The following AGAP2 variants were observed in gnomAD, a reference collection of about 807,000 sequenced individuals.
AGAP2 encodes the protein ArfGAP with GTPase domain, ankyrin repeat and PH domain 2.
Under a neutral mutation model 110.9 loss-of-function variants are expected in AGAP2, and 32 were observed. The observed-to-expected ratio is 0.29, with a 90% confidence interval of 0.22 to 0.39. The LOEUF (loss-of-function observed/expected upper bound fraction) is 0.39, where lower values mean the gene tolerates loss of function less well. Ranked by LOEUF, AGAP2 falls within the 10% of genes least tolerant of loss-of-function variation. The pLI is 1.00. For missense variants in AGAP2, 1,285 were observed against 1,638.5 expected, an observed-to-expected ratio of 0.78 and a Z score of 3.72; for synonymous variants, 702 against 713.0, an observed-to-expected ratio of 0.98 and a Z score of 0.25.
upstream of AGAP2, among the ~76,000 whole-genome samples, chr12:57,740,225 G>T (rs1041547774): frequency 2.2e-3 from 338 of 152,152 alleles, 1 homozygote; most frequent in African/African-American, 6.8e-3. Flanking sequence ...AGGGTGGGGG[G>T]GCTGAGCCAG....
At chr12:57,734,789 A>G (rs1954949847) in intron 2 of AGAP2, 110 bp from the exon 3 acceptor site, 1 of 939,178 alleles carries the variant, frequency 1.1e-6, no homozygotes, top group Non-Finnish European at 1.7e-6. Flanking sequence ...GCAGGACCCT[A>G]CAGGGCCTGG....
chr12:57,736,614 G>C (rs1423760937), intron 1 of AGAP2, among the ~76,000 whole-genome samples: 1 of 152,220 alleles, frequency 6.6e-6, no homozygotes, highest in Non-Finnish European at 1.5e-5. Context: ...CCCAGGGGAC[G>C]ACTAGTCCCT....
chr12:57,738,300 C>A lies in AGAP2; in HGVS notation c.-54G>T. 1 of 1,407,598 alleles carries A rather than the reference C, an allele frequency of 7.1e-7. No homozygotes were observed. The highest frequency in any genetic ancestry group is 9.2e-7 in the Non-Finnish European group (1 of 1,086,592). 87.2% of individuals were successfully genotyped at this position (1,407,598 alleles called of 1,614,324 possible). ...GGGAGGGGACTCCCCCGGACTGCCT[C>A]AGGGGGGCCCGGCCATGGGGCCGCC... On this transcript the variant is annotated 5_prime_UTR_variant, in exon 1 of 19. The change abolishes the stop of an existing upstream ORF in the 5' untranslated region. Transcript: ENST00000547588. The surrounding 1 kb of genome is among the most constrained non-coding windows in gnomAD (Gnocchi z 6.7).
chr12:57,729,653 G>A lies in AGAP2; in HGVS notation c.2543C>T (p.Ala848Val). The A allele has an allele frequency of 6.2e-7, 1 of 1,613,036 alleles. No individual in the cohort carries two copies. Among genetic ancestry groups the A allele is most frequent in the Non-Finnish European group, 8.5e-7 (1 of 1,179,716 alleles). ...LTTPSKTEGS[A>V]GQAEAKRKMW... is the part of the protein sequence containing the mutation. ...CAGAGCCTCACCTTCAGCCTGCCCAGCCGAGCCTTCAGTCTTGGATGGTGT... is the reference window on the plus strand; with the variant it reads ...CAGAGCCTCACCTTCAGCCTGCCCAACCGAGCCTTCAGTCTTGGATGGTGT... Residue 848 changes from alanine to valine, a missense_variant, in exon 13 of 19, where the codon GCT (alanine) becomes GTT (valine). This residue lies in a region of AGAP2 where 135 missense variants were observed against 182.0 expected (regional missense o/e 0.74). Coordinates refer to ENST00000547588, the MANE Select transcript of AGAP2 (RefSeq NM_001122772.3).
rs1329354383 is a variant in AGAP2 at position 57,738,193 on chromosome 12, C to A, written c.54G>T (p.Ser18=). 6.6e-7 allele frequency: 1 copy of A among 1,525,300 alleles called. No homozygotes were observed. 94.5% of individuals were successfully genotyped at this position (1,525,300 alleles called of 1,614,324 possible). A position where few individuals can be genotyped will look rare whatever the true frequency, so the allele number is the denominator to read the frequency against. ...LQRRTTTYLI[S]LTLVKLESVP... ...CCGACTCGAGCTTAACCAGGGTCAG[C>A]GAGATGAGGTAGGTCGTTGTCCGGC... The change falls in exon 1 of 19, where the codon TCG becomes TCT. Residue 18 remains serine (S), a synonymous_variant. Transcript: ENST00000547588. The surrounding 1 kb of genome is among the most constrained non-coding windows in gnomAD (Gnocchi z 6.7).
chr12:57,737,831 G>C lies in AGAP2; in HGVS notation c.416C>G (p.Ser139Cys), dbSNP rs1310290493. The C allele has an allele frequency of 6.7e-7, 1 of 1,484,750 alleles. No individual in the cohort carries two copies. The highest frequency in any genetic ancestry group is 8.9e-7 in the Non-Finnish European group (1 of 1,129,174). The allele number at this position is 1,484,750 out of a possible 1,614,324, so 92.0% of individuals were successfully genotyped here. A position where few individuals can be genotyped will look rare whatever the true frequency, so the allele number is the denominator to read the frequency against. The change falls in exon 1 of 19, where the codon TCC becomes TGC. Residue 139 changes from serine (S) to cysteine (C), a missense_variant. Coordinates refer to ENST00000547588, the MANE Select transcript of AGAP2 (RefSeq NM_001122772.3). This position sits in a 1 kb window ranked among gnomAD's most constrained non-coding sequence, Gnocchi z 5.9. ...GCTGCTGAGCAGGGGGCGCCGGGAG[G>C]AGGTGGGGGCGCCCCCAGGCTTGGG... ...PDPKPGGAPT[S>C]SRRPLLSSPS...
rs1165246166 is a variant in AGAP2 at position 57,725,456 on chromosome 12, G to A, written c.*1096C>T. 1 of 152,114 alleles carries A rather than the reference G, an allele frequency of 6.6e-6. No homozygotes were observed. The highest frequency in any genetic ancestry group is 1.5e-5 in the Non-Finnish European group (1 of 68,108). 9.4% of individuals were successfully genotyped at this position (152,114 alleles called of 1,614,324 possible). A position where few individuals can be genotyped will look rare whatever the true frequency, so the allele number is the denominator to read the frequency against. On this transcript the variant is annotated 3_prime_UTR_variant, in exon 19 of 19. Coordinates refer to ENST00000547588, the MANE Select transcript of AGAP2 (RefSeq NM_001122772.3). ...GCCCTATCACCCAGTTTGTGGGGAAGGGGCAGGGGGCCTGGAAACCCTCCC... is the reference window on the plus strand; with the variant it reads ...GCCCTATCACCCAGTTTGTGGGGAAAGGGCAGGGGGCCTGGAAACCCTCCC...
intron 10 of AGAP2, 66 bp downstream of exon 10, chr12:57,731,300 G>A: frequency 7.6e-7 from 1 of 1,320,428 alleles, no homozygotes. Flanking sequence ...TTTGTCAGAG[G>A]CATAGACAGG....
intron 2 of AGAP2, among the ~76,000 whole-genome samples, chr12:57,734,881 G>C (rs1347548695): frequency 1.3e-5 from 2 of 152,082 alleles, no homozygotes; most frequent in East Asian, 3.9e-4. Context: ...CAGGGCATGA[G>C]TGTGGTAAGA....
At position 57,726,761 on chromosome 12, in the gene AGAP2, C is replaced by T. The variant is rs1015516060; in HGVS notation, c.3370G>A (p.Gly1124Ser). 2.5e-5 allele frequency: 34 copies of T among 1,355,014 alleles called. No individual in the cohort carries two copies. The highest frequency in any genetic ancestry group is 3.2e-5 in the Non-Finnish European group (34 of 1,058,208). The allele number at this position is 1,355,014 out of a possible 1,614,324, so 83.9% of individuals were successfully genotyped here. A position where few individuals can be genotyped will look rare whatever the true frequency, so the allele number is the denominator to read the frequency against. ...CGGGCGTAGAACAGCGCCGTGCGGC[C>T]CTGGGCGTCACGGGCCGCCACGTCC... ...GADVAARDAQ[G>S]RTALFYARQA... is the part of the protein sequence containing the mutation. Residue 1124 changes from glycine to serine, a missense_variant, in exon 19 of 19, where the codon GGC becomes AGC. This residue lies in a region of AGAP2 where 201 missense variants were observed against 276.1 expected (regional missense o/e 0.73). Coordinates refer to ENST00000547588, the MANE Select transcript of AGAP2 (RefSeq NM_001122772.3). The surrounding 1 kb of genome is among the most constrained non-coding windows in gnomAD (Gnocchi z 5.7).
chr12:57,726,477 C>T lies in AGAP2; in HGVS notation c.*75G>A, dbSNP rs558343291. ...TGCGGATCGGAGAGGTGAGTGGGTGCGTCTGTCCAGCGGTCCGCCCGGTGT... is the reference window on the plus strand; with the variant it reads ...TGCGGATCGGAGAGGTGAGTGGGTGTGTCTGTCCAGCGGTCCGCCCGGTGT... On this transcript the variant is annotated 3_prime_UTR_variant, in exon 19 of 19. Coordinates refer to ENST00000547588, the MANE Select transcript of AGAP2 (RefSeq NM_001122772.3). This position sits in a 1 kb window ranked among gnomAD's most constrained non-coding sequence, Gnocchi z 5.7. 34 of 1,138,640 alleles carry T rather than the reference C, an allele frequency of 3.0e-5. No individual in the cohort carries two copies. The South Asian group carries it at 1.3e-3, about 44-fold the overall frequency. 70.5% of individuals were successfully genotyped at this position (1,138,640 alleles called of 1,614,324 possible).
intron 5 of AGAP2, among the ~76,000 whole-genome samples, chr12:57,733,277 C>A (rs1241285383): frequency 2.6e-5 from 4 of 151,770 alleles, no homozygotes; most frequent in East Asian, 3.9e-4. Flanking sequence ...TAGCTGAGAC[C>A]CAGGCGCGAG....
intron 1 of AGAP2, among the ~76,000 whole-genome samples, chr12:57,736,062 G>A (rs1954975419): frequency 6.6e-6 from 1 of 152,194 alleles, no homozygotes; most frequent in South Asian, 2.1e-4. Context: ...GCCGAGAGAA[G>A]CCACAGGCCC....
chr12:57,738,921 G>T (rs1379089743), upstream of AGAP2, among the ~76,000 whole-genome samples: 1 of 151,998 alleles, frequency 6.6e-6, no homozygotes, highest in Non-Finnish European at 1.5e-5. The surrounding 1 kb of genome is among the most constrained non-coding windows in gnomAD (Gnocchi z 6.7). Context: ...CCTGGGCTCG[G>T]CTTGGTCCGG....
At chr12:57,731,750 G>A (rs1954889731) in intron 8 of AGAP2, 59 bp downstream of exon 8, 1 of 1,570,292 alleles carries the variant, frequency 6.4e-7, no homozygotes, top group South Asian at 1.2e-5. Context: ...AGGGACTAGG[G>A]AAGATGGGCA....
At chr12:57,739,517 G>A (rs1955051233), upstream of AGAP2, among the ~76,000 whole-genome samples, 1 of 152,162 alleles carries the variant, frequency 6.6e-6, no homozygotes, top group Non-Finnish European at 1.5e-5. Flanking sequence ...GAGTGCTGGA[G>A]GAGCCCAGGC....
intron 2 of AGAP2, 30 bp downstream of exon 2, chr12:57,735,338 TC>T (rs757468636): frequency 6.2e-7 from 1 of 1,610,272 alleles, no homozygotes; most frequent in Non-Finnish European, 8.5e-7. Flanking sequence ...AGGTCAGCCT[TC>T]CCTATAGGCA....
Position 57,737,479 on chromosome 12 carries a change from G to T in AGAP2, c.768C>A (p.Val256=), listed in dbSNP as rs1358172101. The stretch of plus-strand genomic sequence containing the variant: ...TCCCTCGGGCTCCAGCCCCAGCCCC[G>T]ACCCCACCAGAGGTCGAAGCTGTAG... The part of the protein sequence containing the change: ...GGSTASTSGG[V]GAGAGARGKL... Residue 256 remains valine (V), a synonymous_variant, in exon 1 of 19, where the codon GTC becomes GTA. Coordinates refer to ENST00000547588, the MANE Select transcript of AGAP2 (RefSeq NM_001122772.3). The surrounding 1 kb of genome is among the most constrained non-coding windows in gnomAD (Gnocchi z 5.9). The T allele has an allele frequency of 6.2e-7, 1 of 1,607,852 alleles. No individual in the cohort carries two copies. Among genetic ancestry groups the T allele is most frequent in the Non-Finnish European group, 8.5e-7 (1 of 1,177,404 alleles).
At chr12:57,730,750 C>CTT in intron 11 of AGAP2, 41 bp downstream of exon 11, 5 of 1,612,196 alleles carry the variant, frequency 3.1e-6, no homozygotes, top group Non-Finnish European at 4.2e-6. Context: ...TTTCCCCAGC[C>CTT]CTGGCCCCTC....
Sources: allele counts gnomAD v4.1 joint callset (sites outside exome capture counted in the v4.1 genomes callset), GRCh38; gene constraint gnomAD v4.1.1; regional missense constraint gnomAD v4.1.1; non-coding constraint Gnocchi (gnomAD v3.1); transcripts MANE v1.5; gene names NCBI Gene and HGNC (gene_info 2026-07-23, HGNC 2026-07-21).